Variants in TCEA2 observed in about 807,000 individuals in gnomAD.
The protein encoded by TCEA2 is transcription elongation factor A2.
Under a neutral mutation model 40.8 loss-of-function variants are expected in TCEA2, and 21 were observed. The observed-to-expected ratio is 0.51, with a 90% CI of 0.36 to 0.74. The LOEUF is 0.74. Ranked by LOEUF, TCEA2 falls within the 30% of genes least tolerant of loss-of-function variation. TCEA2 has a pLI of 0.00. For synonymous variants in TCEA2, 165 were observed against 162.7 expected (o/e 1.01, Z -0.11); for missense variants, 326 against 426.5 (o/e 0.76, Z 2.08).
upstream of TCEA2, among the ~76,000 whole-genome samples, chr20:64,060,376 G>A (rs1390482954): frequency 6.6e-6 from 1 of 152,204 alleles, no homozygotes; most frequent in African/African-American, 2.4e-5. Context: ...CTTTGTGGAC[G>A]GTGGGAACCA....
chr20:64,068,470 C>G (rs912157016), intron 4 of TCEA2, among the ~76,000 whole-genome samples: 9 of 152,258 alleles, frequency 5.9e-5, no homozygotes, highest in Non-Finnish European at 1.3e-4. Flanking sequence ...TGGCTTCCCC[C>G]TCAGCCTCAC....
chr20:64,061,058 T>C (rs967774801), upstream of TCEA2, among the ~76,000 whole-genome samples: 1 of 146,530 alleles, frequency 6.8e-6, no homozygotes, highest in Non-Finnish European at 1.5e-5. Flanking sequence ...CCCAAAGTGC[T>C]AGGATTACAA....
intron 6 of TCEA2, 172 bp downstream of exon 6, chr20:64,069,993 G>T (rs565133431): frequency 1.1e-4 from 98 of 931,420 alleles, no homozygotes; most frequent in Non-Finnish European, 1.7e-5. Context: ...AGGGCCCCCG[G>T]ACCAGCTGAA....
At chr20:64,063,452 C>A (rs2059615020) in intron 1 of TCEA2, 68 bp downstream of exon 1, 1 of 1,510,138 alleles carries the variant, frequency 6.6e-7, no homozygotes, top group Non-Finnish European at 8.9e-7. Flanking sequence ...GCCCGCCGAC[C>A]CCCGTTAGGG....
chr20:64,065,766 G>A (rs1312327195), intron 1 of TCEA2: 1 of 152,696 alleles, frequency 6.5e-6, no homozygotes, highest in African/African-American at 2.4e-5. Flanking sequence ...AACAGTCCAG[G>A]CGAGGGGTGC....
In TCEA2 at chr20:64,072,155, C is replaced by T. The variant is rs748617339; in HGVS notation, c.892-17C>T. 2 of 1,613,550 alleles carry T rather than the reference C, an allele frequency of 1.2e-6. No homozygotes were observed. Among genetic ancestry groups the T allele is most frequent in the Non-Finnish European group, 1.7e-6 (2 of 1,179,746 alleles). ...CATGTGGCCACAAGGCTGGAGGCCT[C>T]ACCCCCTTTCTCGCAGTTCTGCTGA... On this transcript the variant is annotated splice_polypyrimidine_tract_variant and intron_variant, in intron 9 of 9. Coordinates refer to ENST00000343484, the MANE Select transcript of TCEA2 (RefSeq NM_003195.6).
chr20:64,069,412 A>T lies in TCEA2; in HGVS notation c.381A>T (p.Thr127=). 1.2e-6 allele frequency: 2 copies of T among 1,612,438 alleles called. No homozygotes were observed. Among genetic ancestry groups the T allele is most frequent in the South Asian group, 2.2e-5 (2 of 90,774 alleles). The change falls in exon 5 of 10, where the codon ACA becomes ACT. Residue 127 remains threonine, a synonymous_variant. Coordinates refer to ENST00000343484, the MANE Select transcript of TCEA2 (RefSeq NM_003195.6). ...CACCGTCGACTCCGAGGATCACCAC[A>T]TTTCCTCCGGTGCCTGTCACCTGTG... is the stretch of plus-strand genomic sequence containing the variant. ...PRAPSTPRIT[T]FPPVPVTCDA... is the part of the protein sequence containing the mutation.
chr20:64,059,148 G>A (rs1376079001), upstream of TCEA2, among the ~76,000 whole-genome samples: 2 of 147,430 alleles, frequency 1.4e-5, no homozygotes, highest in African/African-American at 5.1e-5. Flanking sequence ...AGCCAAGATC[G>A]TGCCACTGCA....
rs763196251 is a variant in TCEA2, at chr20:64,068,120, G to C, written c.315G>C (p.Glu105Asp). ...PLPTSSRDAS[E>D]APDPSRKRPE... ...CCACGTCCTCGAGGGATGCCTCAGA[G>C]GCCCCGGATCCCAGGTAGCACACCT... Residue 105 changes from glutamate (E) to aspartate (D), a missense_variant, in exon 4 of 10, where the codon GAG becomes GAC. Coordinates refer to ENST00000343484, the MANE Select transcript of TCEA2 (RefSeq NM_003195.6). The C allele has an allele frequency of 6.2e-7, 1 of 1,608,780 alleles. No individual in the cohort carries two copies.
chr20:64,067,062 C>A, intron 3 of TCEA2, 42 bp downstream of exon 3: 1 of 1,556,514 alleles, frequency 6.4e-7, no homozygotes, highest in East Asian at 2.4e-5. Context: ...GGGCAGGGGT[C>A]CCAGAAGTGC....
upstream of TCEA2, among the ~76,000 whole-genome samples, chr20:64,061,096 C>CT (rs71197441): frequency 0.18 from 10,655 of 60,252 alleles, 1,173 homozygotes; most frequent in Non-Finnish European, 0.2. Flanking sequence ...CAGCCTGAGT[C>CT]TTTTTTTTTT....
At chr20:64,067,917 G>A in intron 3 of TCEA2, 130 bp from the exon 4 acceptor site, 1 of 663,844 alleles carries the variant, frequency 1.5e-6, no homozygotes, top group Non-Finnish European at 2.4e-6. Context: ...CTGGCTGGGT[G>A]AGGGGCTGGG....
chr20:64,069,644 G>T (rs1429761938), intron 5 of TCEA2, 121 bp from the exon 6 acceptor site: 4 of 1,532,510 alleles, frequency 2.6e-6, no homozygotes, highest in East Asian at 2.3e-5. Context: ...CCTGTGCCTG[G>T]ATCGTGGGCC....
At chr20:64,064,848 C>A (rs1816615764) in intron 1 of TCEA2, among the ~76,000 whole-genome samples, 2 of 152,030 alleles carry the variant, frequency 1.3e-5, no homozygotes, top group South Asian at 4.1e-4. Flanking sequence ...ATAGCTGTTT[C>A]CAGAGATGAC....
Position 64,069,812 on chromosome 20 carries a change from A to G in TCEA2, c.508A>G (p.Ile170Val), listed in dbSNP as rs757729945. Residue 170 changes from isoleucine to valine, a missense_variant, in exon 6 of 10, where the codon ATC (isoleucine) becomes GTC (valine). Transcript: ENST00000343484. The part of the protein sequence containing the change: ...GADCERLSAQ[I>V]EECIFRDVGN... ...GGACTGCGAGCGCCTGTCGGCTCAG[A>G]TCGAGGAATATATCCTTTGGGTAGG... 6.2e-7 allele frequency: 1 copy of G among 1,613,846 alleles called. No homozygotes were observed. The highest frequency in any genetic ancestry group is 1.1e-5 in the South Asian group (1 of 91,082).
chr20:64,061,096 CTTTTTTTTTT>C (rs71197441), upstream of TCEA2, among the ~76,000 whole-genome samples: 7 of 60,522 alleles, frequency 1.2e-4, no homozygotes, highest in South Asian at 2.5e-3. Flanking sequence ...CAGCCTGAGT[CTTTTTTTTTT>C]TTTTTTTTTT....
rs374474263 is a variant in TCEA2, at chr20:64,067,037, G to A, written c.241+17G>A. 3.7e-6 allele frequency: 6 copies of A among 1,600,156 alleles called. No homozygotes were observed. The African/African-American group carries it at 8.1e-5, about 21-fold the overall frequency. ...AGCTCCTGGGTGCGGCTCAGGCGGT[G>A]CCCACTGAGTGCTGGGGCAGGGGTC... is the stretch of plus-strand genomic sequence containing the variant. On this transcript the variant is annotated intron_variant, in intron 3 of 9. Transcript: ENST00000343484.
chr20:64,063,504 C>A, intron 1 of TCEA2, 120 bp downstream of exon 1: 1 of 1,181,350 alleles, frequency 8.5e-7, no homozygotes, highest in Non-Finnish European at 1.2e-6. Flanking sequence ...CCCTCCCCGG[C>A]AGAGACTAAC....
In TCEA2 at chr20:64,065,012, G is replaced by A. The variant is rs190827615; in HGVS notation, c.73-1464G>A. 2.6e-3 allele frequency among the ~76,000 whole-genome samples: 391 copies of A among 152,274 alleles called. 1 individual carries two copies. The highest frequency in any genetic ancestry group is 9.1e-3 in the African/African-American group (377 of 41,538). ...GGTTTCTGGTGGAAGAACAGCTTGA[G>A]TAGAAGCCCCAGGGGAGAATGAGGA... On this transcript the variant is annotated intron_variant, in intron 1 of 9. Coordinates refer to ENST00000343484, the MANE Select transcript of TCEA2 (RefSeq NM_003195.6).
Sources: gnomAD v4.1 joint callset for allele counts (sites outside exome capture counted in the v4.1 genomes callset) on GRCh38, gnomAD v4.1.1 for gene constraint, MANE v1.5 for transcripts, NCBI Gene and HGNC (gene_info 2026-07-23, HGNC 2026-07-21) for gene names.